LAMA4: variants seen among roughly 807,000 people sequenced by gnomAD.
LAMA4 encodes laminin subunit alpha-4.
Under a neutral mutation model 207.1 loss-of-function variants are expected in LAMA4, and 127 were observed. The ratio of observed to expected loss-of-function variants is 0.61; its 90% confidence interval spans 0.53 to 0.71. The LOEUF (loss-of-function observed/expected upper bound fraction) is 0.71, where lower values mean the gene tolerates loss of function less well. Among genes scored for constraint, LAMA4 ranks in the 30% least tolerant of loss-of-function variants. LAMA4 has a pLI of 0.00. For missense variants in LAMA4, 2,093 were observed against 2,246.5 expected (o/e 0.93, Z 1.38); for synonymous variants, 761 against 816.0 (o/e 0.93, Z 1.15).
At chr6:112,185,443 G>T in intron 8 of LAMA4, 96 bp from the exon 9 acceptor site, 2 of 779,038 alleles carry the variant, frequency 2.6e-6, no homozygotes, top group Non-Finnish European at 4.6e-6. Context: ...TCAGAGTAGA[G>T]TGTGAGGCTC....
intron 3 of LAMA4, among the ~76,000 whole-genome samples, chr6:112,211,894 G>A (rs1283419215): frequency 3.3e-5 from 5 of 152,186 alleles, no homozygotes; most frequent in African/African-American, 1.2e-4. Context: ...CTCCATTGCT[G>A]TGTGGGAGAC....
At chr6:112,190,407 G>A (rs1243277618) in intron 6 of LAMA4, among the ~76,000 whole-genome samples, 1 of 152,098 alleles carries the variant, frequency 6.6e-6, no homozygotes, top group East Asian at 1.9e-4. Context: ...CATATATGTT[G>A]CATTTTTTTT....
chr6:112,197,346 G>A (rs532351102), intron 5 of LAMA4, among the ~76,000 whole-genome samples: 1 of 152,294 alleles, frequency 6.6e-6, no homozygotes, highest in South Asian at 2.1e-4. Flanking sequence ...GCAGGTGGGC[G>A]TGTTTGAGCT....
At chr6:112,180,053 A>G (rs904667612) in intron 9 of LAMA4, 1 of 388,536 alleles carries the variant, frequency 2.6e-6, no homozygotes, top group Admixed American at 3.6e-5. Context: ...TACGGACACA[A>G]GCATTTAAAA....
chr6:112,176,656 C>G (rs782629302), intron 10 of LAMA4, among the ~76,000 whole-genome samples: 80 of 152,206 alleles, frequency 5.3e-4, no homozygotes, highest in African/African-American at 1.9e-3. Flanking sequence ...TTTTCCTCAG[C>G]TCTAGCACTT....
At chr6:112,233,959 T>G (rs1359965385) in intron 2 of LAMA4, among the ~76,000 whole-genome samples, 3 of 152,130 alleles carry the variant, frequency 2.0e-5, no homozygotes, top group Non-Finnish European at 2.9e-5. Context: ...CTCCACACAT[T>G]GTAGATAATA....
At chr6:112,254,655 C>T (rs1787743061), upstream of LAMA4, 1 of 178,094 alleles carries the variant, frequency 5.6e-6, no homozygotes, top group Non-Finnish European at 1.2e-5. Flanking sequence ...GTCCGCCTTT[C>T]CCTGCGGTCT....
chr6:112,158,828 A>C lies in LAMA4; in HGVS notation c.1721T>G (p.Val574Gly). 6.2e-7 allele frequency: 1 copy of C among 1,613,160 alleles called. No homozygotes were observed. Among genetic ancestry groups the C allele is most frequent in the Non-Finnish European group, 8.5e-7 (1 of 1,179,150 alleles). Residue 574 changes from valine to glycine, a missense_variant, in exon 14 of 39, where the codon GTA (valine) becomes GGA (glycine). Val to Gly is a moderately radical substitution (Grantham distance 109, BLOSUM62 -3). Coordinates refer to ENST00000230538, the MANE Select transcript of LAMA4 (RefSeq NM_001105206.3). Reference protein sequence around the residue: ...EIDGAKSELQVKLSNLSNLSH... With the variant: ...EIDGAKSELQGKLSNLSNLSH... ...GAGGTTACTTAGGTTAGATAGTTTT[A>C]CTTGTAGTTCACTTTTGGCTCCATC...
chr6:112,215,052 T>G (rs1242223482), intron 3 of LAMA4, among the ~76,000 whole-genome samples: 1 of 152,216 alleles, frequency 6.6e-6, no homozygotes, highest in African/African-American at 2.4e-5. Flanking sequence ...ATTGGTCAAA[T>G]TATCAGAGAT....
intron 6 of LAMA4, among the ~76,000 whole-genome samples, chr6:112,190,230 C>A (rs570000047): frequency 6.6e-6 from 1 of 152,278 alleles, no homozygotes; most frequent in South Asian, 2.1e-4. Context: ...AGGATGTCAA[C>A]CTTTCAGGCT....
In LAMA4 at chr6:112,175,296, G is replaced by A; in HGVS notation, c.1357+17C>T. 6.2e-7 allele frequency: 1 copy of A among 1,612,880 alleles called. No individual in the cohort carries two copies. The highest frequency in any genetic ancestry group is 1.1e-5 in the South Asian group (1 of 91,032). On this transcript the variant is annotated intron_variant, in intron 11 of 38. Transcript: ENST00000230538. ...GGCAAACATGTGCTGGGTCAGCTAT[G>A]AGAGGAATACACCTACGTTCGTAAG...
chr6:112,172,388 C>T, intron 12 of LAMA4: 1 of 541,552 alleles, frequency 1.8e-6, no homozygotes, highest in Non-Finnish European at 3.3e-6. Flanking sequence ...ATCAGAACTA[C>T]TGCGTTCTTA....
intron 10 of LAMA4, 66 bp from the exon 11 acceptor site, chr6:112,175,546 G>C: frequency 1.3e-6 from 2 of 1,536,368 alleles, no homozygotes; most frequent in Non-Finnish European, 1.8e-6. Flanking sequence ...AAATGCAAGG[G>C]AGCAAGGGCT....
intron 9 of LAMA4, among the ~76,000 whole-genome samples, chr6:112,181,235 C>T (rs1320480172): frequency 6.6e-6 from 1 of 152,242 alleles, no homozygotes; most frequent in African/African-American, 2.4e-5. Context: ...GTCTCCTAAG[C>T]AGTGCCCCTA....
chr6:112,174,970 C>T (rs1781936831), intron 11 of LAMA4, among the ~76,000 whole-genome samples: 1 of 152,206 alleles, frequency 6.6e-6, no homozygotes, highest in Admixed American at 6.5e-5. Flanking sequence ...GGCCTTGTAG[C>T]ATTCCTGCCT....
chr6:112,197,163 A>G (rs542247374), intron 5 of LAMA4, among the ~76,000 whole-genome samples: 3 of 152,312 alleles, frequency 2.0e-5, no homozygotes, highest in East Asian at 1.9e-4. Flanking sequence ...CATCATGATC[A>G]TGGTCTAAAT....
chr6:112,166,579 C>G (rs2114836920), intron 12 of LAMA4: 1 of 153,846 alleles, frequency 6.5e-6, no homozygotes, highest in South Asian at 2.1e-4. Flanking sequence ...GAGAACACTG[C>G]TAACACCCTG....
At chr6:112,189,336 T>G in intron 6 of LAMA4, 131 bp from the exon 7 acceptor site, 1 of 705,796 alleles carries the variant, frequency 1.4e-6, no homozygotes, top group East Asian at 2.7e-5. Context: ...ACATTCTTCC[T>G]TCAGACTGTG....
chr6:112,253,951 T>G lies in LAMA4; in HGVS notation c.195+5A>C, dbSNP rs781999461. The G allele has an allele frequency of 3.1e-6, 5 of 1,600,920 alleles. No individual in the cohort carries two copies. The South Asian group carries it at 5.6e-5, about 18-fold the overall frequency. The stretch of plus-strand genomic sequence containing the variant: ...AGCAGGGTGGCAATGGCAGGGACAC[T>G]GTACCTCGGCCGCAGGCGGCAGGCG... On this transcript the variant is annotated splice_donor_5th_base_variant and intron_variant, in intron 2 of 38. Coordinates refer to ENST00000230538, the MANE Select transcript of LAMA4 (RefSeq NM_001105206.3).
Sources: gnomAD v4.1 joint callset for allele counts (sites outside exome capture counted in the v4.1 genomes callset) on GRCh38, gnomAD v4.1.1 for gene constraint, MANE v1.5 for transcripts, NCBI Gene and HGNC (gene_info 2026-07-23, HGNC 2026-07-21) for gene names.